Variants in ACOT7 observed in about 807,000 individuals in gnomAD.
The protein encoded by ACOT7 is cytosolic acyl coenzyme A thioester hydrolase.
ACOT7 carries 12 observed loss-of-function variants against 40.2 expected under a neutral mutation model. The ratio of observed to expected loss-of-function variants is 0.30; its 90% confidence interval spans 0.19 to 0.48. The LOEUF (loss-of-function observed/expected upper bound fraction) is 0.48, where lower values mean the gene tolerates loss of function less well. Among genes scored for constraint, ACOT7 ranks in the 20% least tolerant of loss-of-function variants. The pLI, the probability that ACOT7 is intolerant of heterozygous loss-of-function variation, is 0.99. For synonymous variants in ACOT7, 228 were observed against 219.5 expected, an observed-to-expected ratio of 1.04 and a Z score of -0.34; for missense variants, 395 against 530.8, an observed-to-expected ratio of 0.74 and a Z score of 2.51.
At chr1:6,382,481 C>T (rs1642357770) in intron 1 of ACOT7, among the ~76,000 whole-genome samples, 1 of 151,754 alleles carries the variant, frequency 6.6e-6, no homozygotes, top group South Asian at 2.1e-4. Context: ...CATAGTGAGA[C>T]GTAGTGGGTG....
At position 6,287,810 on chromosome 1, in the gene ACOT7, T is replaced by C. The variant is rs1175478740; in HGVS notation, c.830-6524A>G. 2.6e-5 allele frequency among the ~76,000 whole-genome samples: 4 copies of C among 152,298 alleles called. No individual in the cohort carries two copies. The East Asian group carries it at 5.8e-4, about 22-fold the overall frequency. On this transcript the variant is annotated intron_variant, in intron 7 of 8. Transcript: ENST00000361521. ...CAGAGTTTAGGAAAAGCTCAGCATT[T>C]ATGCTCCAAAAAGAGCTGTGGCTGT...
rs564845839 is a variant in ACOT7, at chr1:6,276,525, G to C, written c.1014+4577C>G. 1.6e-4 allele frequency among the ~76,000 whole-genome samples: 25 copies of C among 152,196 alleles called. 1 individual carries two copies. Among genetic ancestry groups the C allele is most frequent in the Middle Eastern group, 6.8e-3 (2 of 294 alleles). On this transcript the variant is annotated intron_variant, in intron 8 of 8. Transcript: ENST00000361521. ...AACTCCAAGCAGAGAGGCTGCATCC[G>C]TGTCAGCCAGGCCCTGGGGAAGGGA...
intron 1 of ACOT7, 41 bp from the exon 2 acceptor site, chr1:6,349,907 T>C (rs1571332562): frequency 6.3e-7 from 1 of 1,585,900 alleles, no homozygotes; most frequent in Non-Finnish European, 8.7e-7. Flanking sequence ...CTGGAGAGGA[T>C]GCCATTTGTG....
rs1043486699 is a variant in ACOT7, at chr1:6,265,438, C to T, written c.1015-743G>A. Among the ~76,000 whole-genome samples, 7 of 152,342 alleles carry T rather than the reference C, an allele frequency of 4.6e-5. No individual in the cohort carries two copies. In the East Asian group the frequency reaches 7.7e-4, roughly 17 times the overall value. ...TTGTTGGGAGGGAGCCCTGTCACCA[C>T]GCTCTGGACCGTACACTCAGGAGGC... On this transcript the variant is annotated intron_variant, in intron 8 of 8. Coordinates refer to ENST00000361521, the MANE Select transcript of ACOT7 (RefSeq NM_007274.4).
chr1:6,335,685 A>G (rs1446872697), intron 3 of ACOT7, among the ~76,000 whole-genome samples: 2 of 152,218 alleles, frequency 1.3e-5, no homozygotes, highest in Non-Finnish European at 2.9e-5. Flanking sequence ...TTCCTCCTCA[A>G]TAAACACAGC....
intron 1 of ACOT7, among the ~76,000 whole-genome samples, chr1:6,387,355 T>C (rs182874743): frequency 1.3e-5 from 2 of 151,962 alleles, no homozygotes; most frequent in Non-Finnish European, 2.9e-5. Context: ...ACAATTATCC[T>C]ACCTTAAAAA....
intron 8 of ACOT7, among the ~76,000 whole-genome samples, chr1:6,269,613 G>A (rs549449988): frequency 5.3e-5 from 8 of 152,374 alleles, no homozygotes; most frequent in Non-Finnish European, 1.0e-4. Flanking sequence ...AGAATCTGGT[G>A]CCCAGCAACG....
At chr1:6,339,752 T>TTTG (rs1641214049) in intron 2 of ACOT7, among the ~76,000 whole-genome samples, 163 bp from the exon 3 acceptor site, 1 of 150,376 alleles carries the variant, frequency 6.6e-6, no homozygotes. Context: ...TTTTTTTTTT[T>TTTG]TTTTTGAGAT....
At chr1:6,302,401 C>T (rs1557640076) in intron 6 of ACOT7, among the ~76,000 whole-genome samples, 1 of 152,120 alleles carries the variant, frequency 6.6e-6, no homozygotes, top group Admixed American at 6.5e-5. Flanking sequence ...AAAAACCAAG[C>T]GTTTGGCCTT....
intron 1 of ACOT7, among the ~76,000 whole-genome samples, chr1:6,357,363 A>G (rs1282609672): frequency 6.6e-6 from 1 of 152,382 alleles, no homozygotes; most frequent in East Asian, 1.9e-4. Flanking sequence ...GAAGGTGCAC[A>G]GCCAGGTAAG....
intron 1 of ACOT7, among the ~76,000 whole-genome samples, chr1:6,388,853 A>G (rs1466428812): frequency 6.6e-6 from 1 of 151,596 alleles, no homozygotes; most frequent in Non-Finnish European, 1.5e-5. Context: ...CCTGGCTAAC[A>G]CAGTGAAACC....
intron 6 of ACOT7, among the ~76,000 whole-genome samples, chr1:6,315,455 A>G (rs1215048521): frequency 1.3e-5 from 2 of 152,196 alleles, no homozygotes; most frequent in Admixed American, 1.3e-4. Context: ...ACCAGGCCCT[A>G]TAAGAGAAGG....
In ACOT7 at chr1:6,358,878, G is replaced by A; in HGVS notation, c.144-9012C>T. 1 of 1,613,336 alleles carries A rather than the reference G, an allele frequency of 6.2e-7. No homozygotes were observed. The highest frequency in any genetic ancestry group is 8.5e-7 in the Non-Finnish European group (1 of 1,179,584). On this transcript the variant is annotated intron_variant, in intron 1 of 8. Coordinates refer to ENST00000361521, the MANE Select transcript of ACOT7 (RefSeq NM_007274.4). The surrounding 1 kb of genome is among the most constrained non-coding windows in gnomAD (Gnocchi z 4.1). ...AGGACATCCCAGGATCAGATGCAGA[G>A]AAAGGCGAGGGAGCAGGGAAGCATC...
At chr1:6,364,752 GC>G (rs1174644144) in intron 1 of ACOT7, among the ~76,000 whole-genome samples, 1 of 150,574 alleles carries the variant, frequency 6.6e-6, no homozygotes, top group Admixed American at 6.7e-5. Flanking sequence ...GGAGGCTGAG[GC>G]AGGAGAATCA....
intron 1 of ACOT7, among the ~76,000 whole-genome samples, chr1:6,378,380 C>T (rs1642276107): frequency 6.6e-6 from 1 of 151,966 alleles, no homozygotes; most frequent in African/African-American, 2.4e-5. Context: ...CACGGGCCTT[C>T]CCAGGTCCCA....
At chr1:6,386,456 C>T (rs1642442345) in intron 1 of ACOT7, among the ~76,000 whole-genome samples, 1 of 152,186 alleles carries the variant, frequency 6.6e-6, no homozygotes, top group Admixed American at 6.5e-5. Flanking sequence ...CTGGTCTCTG[C>T]TCCCACCTGC....
chr1:6,390,045 A>T (rs1484450694), intron 1 of ACOT7, among the ~76,000 whole-genome samples: 2 of 152,154 alleles, frequency 1.3e-5, no homozygotes, highest in Non-Finnish European at 2.9e-5. Flanking sequence ...GTCAGCTCAG[A>T]TGTCCTTAAA....
intron 1 of ACOT7, among the ~76,000 whole-genome samples, chr1:6,387,324 T>C (rs911219132): frequency 1.3e-5 from 2 of 152,122 alleles, no homozygotes; most frequent in African/African-American, 2.4e-5. Context: ...ATAAAGCTGG[T>C]TTAAAAAAGC....
In ACOT7 at chr1:6,345,285, G is replaced by A. The variant is rs972172790; in HGVS notation, c.261+4464C>T. ...GTATCACACGGCCCGTGAGGCACAG[G>A]CATCCCAGCAAACCACAGGCACTGG... On this transcript the variant is annotated intron_variant, in intron 2 of 8. Transcript: ENST00000361521. Among the ~76,000 whole-genome samples the A allele has an allele frequency of 1.1e-4, 17 of 152,330 alleles. No individual in the cohort carries two copies. In the East Asian group the frequency reaches 3.3e-3, roughly 29 times the overall value.
Sources: gnomAD v4.1 joint callset for allele counts (sites outside exome capture counted in the v4.1 genomes callset) on GRCh38, gnomAD v4.1.1 for gene constraint, Gnocchi (gnomAD v3.1) non-coding constraint, MANE v1.5 for transcripts, NCBI Gene and HGNC (gene_info 2026-07-23, HGNC 2026-07-21) for gene names.